LRRFIP1: variants seen among roughly 807,000 people sequenced by gnomAD.
LRRFIP1 encodes the protein leucine-rich repeat flightless-interacting protein 1.
A neutral mutation model predicts 104.4 loss-of-function variants in LRRFIP1; 62 were observed. The ratio of observed to expected loss-of-function variants is 0.59; its 90% CI spans 0.48 to 0.73. The LOEUF (loss-of-function observed/expected upper bound fraction) is 0.73, where lower values mean the gene tolerates loss of function less well. Among genes scored for constraint, LRRFIP1 ranks in the 30% least tolerant of loss-of-function variants. LRRFIP1 has a pLI of 0.00. For missense variants in LRRFIP1, 796 were observed against 824.5 expected (o/e 0.97, Z 0.42); for synonymous variants, 300 against 299.0 (o/e 1.00, Z -0.03).
chr2:237,737,487 G>A (rs146936434), intron 10 of LRRFIP1, among the ~76,000 whole-genome samples: 59 of 152,292 alleles, frequency 3.9e-4, no homozygotes, highest in African/African-American at 1.4e-3. Flanking sequence ...GTTCTTTTCT[G>A]CGTGATTAGG....
intron 11 of LRRFIP1, among the ~76,000 whole-genome samples, chr2:237,747,952 AC>A (rs1379454212): frequency 1.3e-5 from 2 of 152,004 alleles, no homozygotes; most frequent in Non-Finnish European, 2.9e-5. Flanking sequence ...AAAAAAAGAA[AC>A]CTGTCTTTTG....
At chr2:237,742,758 G>A (rs2057289932) in intron 11 of LRRFIP1, among the ~76,000 whole-genome samples, 1 of 152,190 alleles carries the variant, frequency 6.6e-6, no homozygotes, top group Non-Finnish European at 1.5e-5. Flanking sequence ...AGGACTCCCC[G>A]GTCCTTCTGC....
At chr2:237,675,256 G>A (rs184147276) in intron 1 of LRRFIP1, among the ~76,000 whole-genome samples, 218 of 152,240 alleles carry the variant, frequency 1.4e-3, no homozygotes, top group South Asian at 3.3e-3. Context: ...TTGCTTTTTC[G>A]GCCAAGCAAC....
intron 1 of LRRFIP1, among the ~76,000 whole-genome samples, chr2:237,696,800 G>GGCT (rs2093216652): frequency 6.6e-6 from 1 of 152,212 alleles, no homozygotes; most frequent in Non-Finnish European, 1.5e-5. Flanking sequence ...TGGCTGCCAC[G>GGCT]GCTGCTGCTG....
chr2:237,749,201 G>T lies in LRRFIP1; in HGVS notation c.672G>T (p.Gly224=). 6.2e-7 allele frequency: 1 copy of T among 1,612,886 alleles called. No individual in the cohort carries two copies. The change falls in exon 13 of 24, where the codon GGG becomes GGT. Residue 224 remains glycine, a splice_region_variant and synonymous_variant. Transcript: ENST00000308482. Reference sequence around the variant, plus strand: ...ATGTGATCCTCTCAACGTTCCAGGGGTCTCGTAACATGCCGGGCCTGTCTG... The same window carrying T: ...ATGTGATCCTCTCAACGTTCCAGGGTTCTCGTAACATGCCGGGCCTGTCTG... ...ERPEKDFTEK[G]SRNMPGLSAA...
chr2:237,672,195 T>C (rs1428483079), intron 1 of LRRFIP1, among the ~76,000 whole-genome samples: 1 of 152,166 alleles, frequency 6.6e-6, no homozygotes, highest in African/African-American at 2.4e-5. Flanking sequence ...TCATATACAA[T>C]ATTGGCCTGT....
rs888129803 is a variant in LRRFIP1, at chr2:237,692,226, C to G, written c.97-16318C>G. On this transcript the variant is annotated intron_variant, in intron 1 of 23. Transcript: ENST00000308482. Reference sequence around the variant, plus strand: ...CGGCGCCCTTCCACCCCGAGCCCGACTCAGCCCGCGGCCACCTGCGCCCCG... The same window carrying G: ...CGGCGCCCTTCCACCCCGAGCCCGAGTCAGCCCGCGGCCACCTGCGCCCCG... The G allele has an allele frequency of 2.7e-6, 3 of 1,101,672 alleles. No individual in the cohort carries two copies. The African/African-American group carries it at 5.0e-5, about 18-fold the overall frequency. 68.2% of individuals were successfully genotyped at this position (1,101,672 alleles called of 1,614,324 possible). A position where few individuals can be genotyped will look rare whatever the true frequency, so the allele number is the denominator to read the frequency against.
At chr2:237,734,752 G>A (rs1029876396) in intron 9 of LRRFIP1, among the ~76,000 whole-genome samples, 8 of 152,122 alleles carry the variant, frequency 5.3e-5, no homozygotes, top group African/African-American at 1.9e-4. Context: ...GTTTACCCAC[G>A]TTGATTAATT....
At chr2:237,728,880 T>C (rs2094883314) in intron 8 of LRRFIP1, among the ~76,000 whole-genome samples, 1 of 152,210 alleles carries the variant, frequency 6.6e-6, no homozygotes, top group Non-Finnish European at 1.5e-5. Context: ...TCAAGTTGTT[T>C]TTACTTGCTC....
At chr2:237,667,444 T>A (rs562998085) in intron 1 of LRRFIP1, among the ~76,000 whole-genome samples, 1 of 152,392 alleles carries the variant, frequency 6.6e-6, no homozygotes, top group South Asian at 2.1e-4. Flanking sequence ...ATTTTCTTTA[T>A]CCAGTCTATC....
chr2:237,665,086 G>A (rs1012195656), intron 1 of LRRFIP1, among the ~76,000 whole-genome samples: 2 of 152,052 alleles, frequency 1.3e-5, no homozygotes, highest in African/African-American at 4.8e-5. Flanking sequence ...ATTCATGAAA[G>A]CATTTAAATA....
intron 1 of LRRFIP1, among the ~76,000 whole-genome samples, chr2:237,707,017 T>G (rs1423026060): frequency 1.3e-5 from 2 of 152,062 alleles, no homozygotes; most frequent in Admixed American, 1.3e-4. Flanking sequence ...CAGTTGTGAT[T>G]TTTGACACCC....
intron 1 of LRRFIP1, among the ~76,000 whole-genome samples, chr2:237,657,487 C>CA (rs1436334366): frequency 6.6e-6 from 1 of 151,770 alleles, no homozygotes; most frequent in Non-Finnish European, 1.5e-5. Context: ...AGAAGACAGG[C>CA]AAAAAACAAC....
At chr2:237,637,055 C>A (rs2083219999) in intron 1 of LRRFIP1, among the ~76,000 whole-genome samples, 1 of 152,230 alleles carries the variant, frequency 6.6e-6, no homozygotes, top group African/African-American at 2.4e-5. Context: ...GTCTACACAG[C>A]TCAAACAAAG....
intron 1 of LRRFIP1, among the ~76,000 whole-genome samples, chr2:237,676,418 T>C (rs2091172712): frequency 6.6e-6 from 1 of 152,168 alleles, no homozygotes; most frequent in Non-Finnish European, 1.5e-5. Flanking sequence ...ACCCGAAAAT[T>C]CACGTGGGGA....
intron 1 of LRRFIP1, among the ~76,000 whole-genome samples, chr2:237,672,436 G>A (rs1281652411): frequency 6.6e-6 from 1 of 152,166 alleles, no homozygotes; most frequent in Non-Finnish European, 1.5e-5. Flanking sequence ...CTATCTACTG[G>A]CAATAGGAAT....
chr2:237,734,059 G>A (rs1412296455), intron 9 of LRRFIP1, among the ~76,000 whole-genome samples: 2 of 152,156 alleles, frequency 1.3e-5, no homozygotes, highest in African/African-American at 4.8e-5. Flanking sequence ...CCTTGTGTTT[G>A]CTGGGATCGT....
At chr2:237,779,366 G>A in intron 23 of LRRFIP1, 56 bp from the exon 24 acceptor site, 1 of 1,589,722 alleles carries the variant, frequency 6.3e-7, no homozygotes, top group Middle Eastern at 1.7e-4. Context: ...ACAGAACCCT[G>A]TTATGTTTGG....
At chr2:237,708,807 G>A (rs996430985) in intron 2 of LRRFIP1, 177 bp downstream of exon 2, 15 of 751,424 alleles carry the variant, frequency 2.0e-5, no homozygotes, top group Admixed American at 1.0e-4. Flanking sequence ...CGCATAGCAC[G>A]GATACCAGGC....
Sources: allele counts gnomAD v4.1 joint callset (sites outside exome capture counted in the v4.1 genomes callset), GRCh38; gene constraint gnomAD v4.1.1; transcripts MANE v1.5; gene names NCBI Gene and HGNC (gene_info 2026-07-23, HGNC 2026-07-21).